Variants in PBK observed in about 807,000 individuals in gnomAD.
The protein encoded by PBK is lymphokine-activated killer T-cell-originated protein kinase.
Under a neutral mutation model 33.5 loss-of-function variants are expected in PBK, and 22 were observed. That is an observed-to-expected ratio of 0.66 (90% confidence interval 0.47 to 0.94). PBK has a LOEUF of 0.94. PBK is among the 40% of genes least tolerant of loss of function. PBK has a pLI of 0.00. For synonymous variants in PBK, 129 were observed against 123.8 expected (o/e 1.04, Z -0.28); for missense variants, 376 against 383.4 (o/e 0.98, Z 0.16).
intron 4 of PBK, among the ~76,000 whole-genome samples, 183 bp from the exon 5 acceptor site, chr8:27,822,671 A>G (rs1006062009): frequency 3.9e-5 from 6 of 152,242 alleles, no homozygotes; most frequent in Non-Finnish European, 8.8e-5. Flanking sequence ...GTTTGCCAGT[A>G]GTACCACAAA....
rs538580852 is a variant in PBK at position 27,823,470 on chromosome 8, CTT to C, written c.153-267_153-266del. ...AAGGGTAAAGATGGAATGTTACAAA[CTT>C]TAAACCTGAAAATTGTAACTTTCCA... On this transcript the variant is annotated intron_variant, in intron 3 of 7. Transcript: ENST00000301905. 4.7e-3 allele frequency among the ~76,000 whole-genome samples: 708 copies of C among 152,014 alleles called. 7 individuals are homozygous for C. The highest frequency in any genetic ancestry group is 0.016 in the African/African-American group (682 of 41,512).
intron 6 of PBK, among the ~76,000 whole-genome samples, chr8:27,819,802 G>A (rs1206263819): frequency 6.6e-6 from 1 of 151,992 alleles, no homozygotes; most frequent in Non-Finnish European, 1.5e-5. Context: ...TTCCCATTTT[G>A]TAAGTTATTT....
At chr8:27,820,480 AT>A in intron 6 of PBK, 84 bp downstream of exon 6, 2 of 815,380 alleles carry the variant, frequency 2.5e-6, no homozygotes, top group East Asian at 2.6e-5. Flanking sequence ...ATAGTTTTTG[AT>A]TTTTGATCCA....
intron 6 of PBK, among the ~76,000 whole-genome samples, chr8:27,816,343 C>CTA (rs767822258): frequency 4.8e-4 from 66 of 136,380 alleles, no homozygotes; most frequent in South Asian, 1.2e-3. Flanking sequence ...TCATCGAATA[C>CTA]TATATATATA....
chr8:27,816,346 T>TAA (rs1424281056), intron 6 of PBK, among the ~76,000 whole-genome samples: 2 of 142,872 alleles, frequency 1.4e-5, no homozygotes. Flanking sequence ...TCGAATACTA[T>TAA]ATATATATAT....
intron 6 of PBK, among the ~76,000 whole-genome samples, chr8:27,815,285 A>G (rs4732762): frequency 0.16 from 23,927 of 152,178 alleles, 2,388 homozygotes; most frequent in East Asian, 0.37. Context: ...TAACATTTTG[A>G]GAGGTATGCC....
chr8:27,814,053 A>G (rs1040582583), intron 6 of PBK, among the ~76,000 whole-genome samples: 1 of 152,180 alleles, frequency 6.6e-6, no homozygotes, highest in East Asian at 1.9e-4. Context: ...TTTTCATATT[A>G]GAGTTATGCT....
intron 2 of PBK, among the ~76,000 whole-genome samples, chr8:27,831,206 AGCCG>A (rs1263126002): frequency 6.6e-6 from 1 of 152,108 alleles, no homozygotes; most frequent in Non-Finnish European, 1.5e-5. Context: ...TACAAAAATT[AGCCG>A]GCCATGGTGG....
At chr8:27,824,934 A>G (rs915694230) in intron 3 of PBK, among the ~76,000 whole-genome samples, 2 of 152,224 alleles carry the variant, frequency 1.3e-5, no homozygotes, top group Admixed American at 6.5e-5. Context: ...AAAAAAATAT[A>G]GACTTCTGGG....
At position 27,820,684 on chromosome 8, in the gene PBK, T is replaced by A. The variant is rs1298485110; in HGVS notation, c.476A>T (p.Gln159Leu). The A allele has an allele frequency of 1.3e-6, 2 of 1,554,630 alleles. No homozygotes were observed. The highest frequency in any genetic ancestry group is 1.8e-6 in the Non-Finnish European group (2 of 1,139,838). The stretch of plus-strand genomic sequence containing the variant: ...GTCTCCATGAAGCAGTTTCTTTTCT[T>A]GGTGCAGATACTAAAATAGTAAAAA... ...NMARGLKYLH[Q>L]EKKLLHGDIK... Residue 159 changes from glutamine (Q) to leucine (L), a missense_variant, in exon 6 of 8, where the codon CAA (glutamine) becomes CTA (leucine). By Grantham distance (113) the Gln-to-Leu change is moderately radical. Transcript: ENST00000301905.
At chr8:27,814,373 A>G (rs1008031880) in intron 6 of PBK, among the ~76,000 whole-genome samples, 1 of 152,164 alleles carries the variant, frequency 6.6e-6, no homozygotes, top group Admixed American at 6.5e-5. Flanking sequence ...AGAATTTACA[A>G]TAACCCTTTT....
intron 2 of PBK, among the ~76,000 whole-genome samples, chr8:27,830,478 T>C (rs1294883347): frequency 6.6e-6 from 1 of 152,188 alleles, no homozygotes; most frequent in Non-Finnish European, 1.5e-5. Context: ...CAATGAGCTA[T>C]GGGACAATAG....
At position 27,824,090 on chromosome 8, in the gene PBK, T is replaced by C. The variant is rs145744452; in HGVS notation, c.153-885A>G. On this transcript the variant is annotated intron_variant, in intron 3 of 7. Coordinates refer to ENST00000301905, the MANE Select transcript of PBK (RefSeq NM_018492.4). ...CTTTTTTGTTTAATCAAAAAGCCTA[T>C]ACTAAAAGGATCACAAGATTTCTTA... 7.1e-3 allele frequency among the ~76,000 whole-genome samples: 1,073 copies of C among 152,178 alleles called. 7 individuals are homozygous for C. The highest frequency in any genetic ancestry group is 0.024 in the African/African-American group (1,011 of 41,538).
Position 27,814,532 on chromosome 8 carries a change from A to T in PBK, c.596-3398T>A, listed in dbSNP as rs538096250. On this transcript the variant is annotated intron_variant, in intron 6 of 7. Transcript: ENST00000301905. The stretch of plus-strand genomic sequence containing the variant: ...TTTTTTATTTCATTGATTTCTGCTC[A>T]TAGCTTTATTCCCTTCCTTTGGATT... Among the ~76,000 whole-genome samples, 56 of 152,128 alleles carry T rather than the reference A, an allele frequency of 3.7e-4. 1 individual carries two copies. Among genetic ancestry groups the T allele is most frequent in the African/African-American group, 1.3e-3 (53 of 41,518 alleles).
At chr8:27,817,919 A>AT (rs1805849370) in intron 6 of PBK, among the ~76,000 whole-genome samples, 1 of 152,226 alleles carries the variant, frequency 6.6e-6, no homozygotes, top group Non-Finnish European at 1.5e-5. Flanking sequence ...TGTGGTAACC[A>AT]TTAACCACAT....
At chr8:27,825,514 C>G (rs1585430829) in intron 3 of PBK, among the ~76,000 whole-genome samples, 1 of 152,188 alleles carries the variant, frequency 6.6e-6, no homozygotes, top group Non-Finnish European at 1.5e-5. Flanking sequence ...CTGCCCACCC[C>G]CCTTCCCCAG....
intron 1 of PBK, 46 bp downstream of exon 1, chr8:27,837,606 C>T (rs3735745): frequency 0.11 from 16,135 of 152,210 alleles, 954 homozygotes; most frequent in East Asian, 0.24. Flanking sequence ...GCCTCGGCTC[C>T]GGGCTCGGCC....
At chr8:27,814,076 A>G (rs1312918339) in intron 6 of PBK, among the ~76,000 whole-genome samples, 1 of 152,212 alleles carries the variant, frequency 6.6e-6, no homozygotes, top group Admixed American at 6.5e-5. Flanking sequence ...CCACAAAAAC[A>G]GACTGGGCAG....
chr8:27,837,575 G>A (rs900416431), intron 1 of PBK, 77 bp downstream of exon 1: 9 of 152,236 alleles, frequency 5.9e-5, no homozygotes, highest in African/African-American at 1.9e-4. Context: ...ATCCTCCCCT[G>A]TCACGAAAGC....
Sources: allele counts gnomAD v4.1 joint callset (sites outside exome capture counted in the v4.1 genomes callset), GRCh38; gene constraint gnomAD v4.1.1; transcripts MANE v1.5; gene names NCBI Gene and HGNC (gene_info 2026-07-23, HGNC 2026-07-21).